TBC1D4: variants seen among roughly 807,000 people sequenced by gnomAD.
The protein encoded by TBC1D4 is TBC1 domain family member 4.
In TBC1D4, 121 loss-of-function variants were observed where a neutral mutation model predicts 142.5. The ratio of observed to expected loss-of-function variants is 0.85; its 90% confidence interval spans 0.73 to 0.99. The LOEUF (loss-of-function observed/expected upper bound fraction) is 0.99. Among genes scored for constraint, TBC1D4 ranks in the 50% least tolerant of loss-of-function variants. TBC1D4 has a pLI of 0.00. For synonymous variants in TBC1D4, 630 were observed against 628.2 expected, an observed-to-expected ratio of 1.00 and a Z score of -0.04; for missense variants, 1,475 against 1,606.6, an observed-to-expected ratio of 0.92 and a Z score of 1.40.
rs369593800 is a variant in TBC1D4, at chr13:75,444,368, C to T, written c.498+36902G>A. 5.3e-5 allele frequency among the ~76,000 whole-genome samples: 8 copies of T among 152,248 alleles called. No individual in the cohort carries two copies. In the East Asian group the frequency reaches 9.6e-4, roughly 18 times the overall value. Reference sequence around the variant, plus strand: ...TCTCAAACTCCCAGCTTTGAGCGATCGCCCCTCTTTGGCCTCCCAAAGGGC... The same window carrying T: ...TCTCAAACTCCCAGCTTTGAGCGATTGCCCCTCTTTGGCCTCCCAAAGGGC... On this transcript the variant is annotated intron_variant, in intron 1 of 20. Coordinates refer to ENST00000377636, the MANE Select transcript of TBC1D4 (RefSeq NM_014832.5).
At chr13:75,400,412 C>CA (rs1296304535) in intron 1 of TBC1D4, among the ~76,000 whole-genome samples, 5 of 151,906 alleles carry the variant, frequency 3.3e-5, no homozygotes, top group Non-Finnish European at 5.9e-5. Context: ...TTCTCCAAAT[C>CA]ACAGTCAAAG....
chr13:75,402,495 T>G lies in TBC1D4; in HGVS notation c.499-39888A>C, dbSNP rs534345629. Among the ~76,000 whole-genome samples the G allele has an allele frequency of 2.9e-4, 44 of 152,200 alleles. 1 individual carries two copies. The highest frequency in any genetic ancestry group is 9.9e-4 in the African/African-American group (41 of 41,546). On this transcript the variant is annotated intron_variant, in intron 1 of 20. Coordinates refer to ENST00000377636, the MANE Select transcript of TBC1D4 (RefSeq NM_014832.5). ...AATAAATACTTCCATTCTCAGGTAATAGCTTCAAAAAAAAGGATAAGAAAT... is the reference window on the plus strand; with the variant it reads ...AATAAATACTTCCATTCTCAGGTAAGAGCTTCAAAAAAAAGGATAAGAAAT...
At chr13:75,446,630 A>G (rs1418916924) in intron 1 of TBC1D4, among the ~76,000 whole-genome samples, 2 of 152,226 alleles carry the variant, frequency 1.3e-5, no homozygotes, top group East Asian at 3.8e-4. Context: ...ACCTCAGTGG[A>G]AACAGTTTTT....
Position 75,319,939 on chromosome 13 carries a change from T to G in TBC1D4, c.2222+75A>C, listed in dbSNP as rs375979903. 25 of 1,544,840 alleles carry G rather than the reference T, an allele frequency of 1.6e-5. No individual in the cohort carries two copies. The African/African-American group carries it at 2.9e-4, about 18-fold the overall frequency. ...TTCAGGAGACAAACAAAACTGCTTT[T>G]TAAACTAAGGATGATGTTCAGTTGG... is the stretch of plus-strand genomic sequence containing the variant. On this transcript the variant is annotated intron_variant, in intron 12 of 20. Coordinates refer to ENST00000377636, the MANE Select transcript of TBC1D4 (RefSeq NM_014832.5).
chr13:75,330,864 C>T (rs1015531581), intron 8 of TBC1D4, among the ~76,000 whole-genome samples: 3 of 152,104 alleles, frequency 2.0e-5, no homozygotes, highest in Admixed American at 1.3e-4. Context: ...TGTGTGTAGC[C>T]AAGAGGAAAA....
chr13:75,421,538 A>G lies in TBC1D4; in HGVS notation c.499-58931T>C, dbSNP rs75413264. 5.9e-4 allele frequency among the ~76,000 whole-genome samples: 90 copies of G among 152,336 alleles called. 4 individuals carry two copies. In the East Asian group the frequency reaches 0.017, roughly 29 times the overall value. On this transcript the variant is annotated intron_variant, in intron 1 of 20. Transcript: ENST00000377636. ...GCTTTCCTGTTACAAAATGTTCTGT[A>G]ACAAGAACTCCAGAATAATTATTTT... is the stretch of plus-strand genomic sequence containing the variant.
chr13:75,340,721 G>C lies in TBC1D4; in HGVS notation c.1611+404C>G, dbSNP rs1332064472. On this transcript the variant is annotated intron_variant, in intron 7 of 20. Transcript: ENST00000377636. ...CAGCACTTTGGGAGGCCGAGGCGGG[G>C]GGATCACCTGAAGTTGGGAGTTCGT... Among the ~76,000 whole-genome samples, 7 of 151,992 alleles carry C rather than the reference G, an allele frequency of 4.6e-5. No homozygotes were observed. In the South Asian group the frequency reaches 6.2e-4, roughly 13 times the overall value.
chr13:75,468,710 A>G (rs1341132920), intron 1 of TBC1D4, among the ~76,000 whole-genome samples: 1 of 152,238 alleles, frequency 6.6e-6, no homozygotes, highest in Non-Finnish European at 1.5e-5. Context: ...GATGAAAACT[A>G]AAGGCAACCA....
chr13:75,342,130 G>A (rs916431927), intron 5 of TBC1D4, among the ~76,000 whole-genome samples: 2 of 152,220 alleles, frequency 1.3e-5, no homozygotes, highest in East Asian at 1.9e-4. Context: ...ATGGGAGGCA[G>A]AGGTTGCAGT....
chr13:75,339,009 C>T (rs1880455964), intron 7 of TBC1D4, among the ~76,000 whole-genome samples: 1 of 152,174 alleles, frequency 6.6e-6, no homozygotes, highest in African/African-American at 2.4e-5. Flanking sequence ...TCTAGCTTGG[C>T]CTCTCTGAGT....
chr13:75,338,811 C>G (rs1464029752), intron 7 of TBC1D4, among the ~76,000 whole-genome samples: 2 of 152,160 alleles, frequency 1.3e-5, no homozygotes, highest in Non-Finnish European at 2.9e-5. Context: ...ATCCCCTGCC[C>G]CACTCTCGTC....
At chr13:75,328,795 G>A (rs916219557) in intron 8 of TBC1D4, among the ~76,000 whole-genome samples, 1 of 151,990 alleles carries the variant, frequency 6.6e-6, no homozygotes, top group African/African-American at 2.4e-5. Flanking sequence ...ACATTCTTAG[G>A]TTTATTTGGG....
At chr13:75,341,301 C>A in intron 6 of TBC1D4, 66 bp from the exon 7 acceptor site, 3 of 1,480,214 alleles carry the variant, frequency 2.0e-6, no homozygotes, top group Non-Finnish European at 2.8e-6. Flanking sequence ...TTCTGTCGGG[C>A]AGACAAACGT....
chr13:75,327,706 G>C (rs1365753318), intron 9 of TBC1D4, 46 bp downstream of exon 9: 2 of 1,580,012 alleles, frequency 1.3e-6, no homozygotes, highest in Non-Finnish European at 1.7e-6. Flanking sequence ...TATCGGTGCT[G>C]ACTTTGTTAA....
chr13:75,442,332 AC>A (rs1232677960), intron 1 of TBC1D4, among the ~76,000 whole-genome samples: 2 of 152,182 alleles, frequency 1.3e-5, no homozygotes, highest in African/African-American at 4.8e-5. Context: ...CTAGCAAATA[AC>A]CAGTTCTCAA....
intron 4 of TBC1D4, among the ~76,000 whole-genome samples, chr13:75,353,859 G>A (rs1406635955): frequency 6.6e-6 from 1 of 152,194 alleles, no homozygotes; most frequent in Non-Finnish European, 1.5e-5. Flanking sequence ...CAGCCGGACA[G>A]TATGAAAGGC....
chr13:75,399,120 T>A (rs976728343), intron 1 of TBC1D4, among the ~76,000 whole-genome samples: 3 of 152,086 alleles, frequency 2.0e-5, no homozygotes, highest in African/African-American at 7.2e-5. Flanking sequence ...GGCAGGCGGA[T>A]CACGAGGTCA....
chr13:75,295,908 T>C (rs1875868710), intron 17 of TBC1D4, among the ~76,000 whole-genome samples: 1 of 152,174 alleles, frequency 6.6e-6, no homozygotes, highest in Non-Finnish European at 1.5e-5. Flanking sequence ...TAGCAGAACT[T>C]CTTTCACTAG....
At chr13:75,424,565 G>A (rs903082789) in intron 1 of TBC1D4, among the ~76,000 whole-genome samples, 2 of 151,856 alleles carry the variant, frequency 1.3e-5, no homozygotes, top group East Asian at 3.9e-4. Context: ...AAGCAATCTT[G>A]AGCAAAATGA....
Sources: allele counts gnomAD v4.1 joint callset (sites outside exome capture counted in the v4.1 genomes callset), GRCh38; gene constraint gnomAD v4.1.1; transcripts MANE v1.5; gene names NCBI Gene and HGNC (gene_info 2026-07-23, HGNC 2026-07-21).